Variants in GRM8 observed in about 807,000 individuals in gnomAD.
GRM8 encodes glutamate metabotropic receptor 8.
GRM8 carries 47 observed loss-of-function variants against 87.2 expected under a neutral mutation model. That is an observed-to-expected ratio of 0.54 (90% confidence interval 0.43 to 0.69). The LOEUF (loss-of-function observed/expected upper bound fraction) is 0.69. Ranked by LOEUF, GRM8 falls within the 30% of genes least tolerant of loss-of-function variation. The pLI is 0.00. For missense variants in GRM8, 1,019 were observed against 1,139.2 expected, an observed-to-expected ratio of 0.89 and a Z score of 1.52; for synonymous variants, 396 against 404.5, an observed-to-expected ratio of 0.98 and a Z score of 0.25.
intron 9 of GRM8, among the ~76,000 whole-genome samples, chr7:126,468,511 T>A (rs1804769055): frequency 1.3e-5 from 2 of 152,084 alleles, no homozygotes; most frequent in African/African-American, 4.8e-5. Context: ...CTTACCCACA[T>A]CAACAATTCT....
At chr7:127,087,757 T>C (rs2132860937) in intron 3 of GRM8, among the ~76,000 whole-genome samples, 1 of 152,264 alleles carries the variant, frequency 6.6e-6, no homozygotes, top group Middle Eastern at 3.4e-3. Context: ...TGTTTAAGAC[T>C]TTTTACCATA....
In GRM8 at chr7:126,896,530, T is replaced by C. The variant is rs1378650613; in HGVS notation, c.1156+6012A>G. ...ATGGTCTCTATGCGTCCTGAGTGAATACGGGAGAGCTTATACCTTTCATAA... is the reference window on the plus strand; with the variant it reads ...ATGGTCTCTATGCGTCCTGAGTGAACACGGGAGAGCTTATACCTTTCATAA... On this transcript the variant is annotated intron_variant, in intron 6 of 10. Coordinates refer to ENST00000339582, the MANE Select transcript of GRM8 (RefSeq NM_000845.3). Among the ~76,000 whole-genome samples the C allele has an allele frequency of 2.6e-5, 4 of 152,246 alleles. No individual in the cohort carries two copies. In the East Asian group the frequency reaches 7.7e-4, roughly 29 times the overall value.
At position 127,252,932 on chromosome 7, in the gene GRM8, G is replaced by A. The variant is rs1798952582; in HGVS notation, c.-447C>T. 2 of 176,562 alleles carry A rather than the reference G, an allele frequency of 1.1e-5. No homozygotes were observed. Among genetic ancestry groups the A allele is most frequent in the Non-Finnish European group, 1.2e-5 (1 of 86,292 alleles). 10.9% of individuals were successfully genotyped at this position (176,562 alleles called of 1,614,324 possible). A position where few individuals can be genotyped will look rare whatever the true frequency, so the allele number is the denominator to read the frequency against. On this transcript the variant is annotated 5_prime_UTR_variant, in exon 1 of 11. Transcript: ENST00000339582. This position sits in a 1 kb window ranked among gnomAD's most constrained non-coding sequence, Gnocchi z 4.9. ...CTTGTGGCTGATCTCTGGGCTGAGG[G>A]GGCTGAGCTGGCCTAGCAGGCGCCA... is the stretch of plus-strand genomic sequence containing the variant.
At chr7:127,061,425 A>G (rs753028470) in intron 3 of GRM8, among the ~76,000 whole-genome samples, 46 of 152,232 alleles carry the variant, frequency 3.0e-4, no homozygotes, top group Non-Finnish European at 5.7e-4. Context: ...CCAAAAAAAT[A>G]CATTAACATT....
At chr7:126,540,197 A>C (rs1295947472) in intron 8 of GRM8, among the ~76,000 whole-genome samples, 3 of 152,168 alleles carry the variant, frequency 2.0e-5, no homozygotes, top group Non-Finnish European at 2.9e-5. Flanking sequence ...ATAGTGCATG[A>C]AAATATACCT....
Position 126,583,971 on chromosome 7 carries a change from C to A in GRM8, c.1494+25391G>T, listed in dbSNP as rs529116044. On this transcript the variant is annotated intron_variant, in intron 8 of 10. Transcript: ENST00000339582. ...CAGATAAATCTTTCACGAAAGAGTC[C>A]ATTTATATGGCAAACTCAATGTTGT... is the stretch of plus-strand genomic sequence containing the variant. 5.9e-5 allele frequency among the ~76,000 whole-genome samples: 9 copies of A among 152,112 alleles called. No homozygotes were observed. The South Asian group carries it at 1.9e-3, about 32-fold the overall frequency.
intron 9 of GRM8, among the ~76,000 whole-genome samples, chr7:126,449,588 T>C (rs1449312688): frequency 6.6e-6 from 1 of 151,828 alleles, no homozygotes; most frequent in Non-Finnish European, 1.5e-5. Flanking sequence ...TATACGATGT[T>C]GAGGAAAAGG....
rs17865234 is a variant in GRM8 at position 127,140,568 on chromosome 7, T to C, written c.511-33856A>G. On this transcript the variant is annotated intron_variant, in intron 2 of 10. Coordinates refer to ENST00000339582, the MANE Select transcript of GRM8 (RefSeq NM_000845.3). ...CCCTTCTCATTCTGGTGCTGTTACC[T>C]GTACTTCAAATGCCCTTGGGTGGAG... 9.7e-4 allele frequency among the ~76,000 whole-genome samples: 148 copies of C among 152,298 alleles called. 1 individual carries two copies. The highest frequency in any genetic ancestry group is 3.4e-3 in the African/African-American group (143 of 41,540).
chr7:126,968,922 G>A (rs557300750), intron 3 of GRM8, among the ~76,000 whole-genome samples: 5 of 152,150 alleles, frequency 3.3e-5, no homozygotes, highest in African/African-American at 1.2e-4. Flanking sequence ...GATGTCACAG[G>A]TTCTATTTCA....
intron 3 of GRM8, among the ~76,000 whole-genome samples, chr7:126,998,144 C>G (rs1176556436): frequency 2.0e-5 from 3 of 151,844 alleles, no homozygotes; most frequent in Non-Finnish European, 4.4e-5. Context: ...ATCATATCAA[C>G]AGAATGAAGG....
rs910361050 is a variant in GRM8 at position 127,130,787 on chromosome 7, C to T, written c.511-24075G>A. ...TGATGGGATCATGGGGGCAGTTTCC[C>T]ACATGCTGTTTTTATGATAGTGAGA... is the stretch of plus-strand genomic sequence containing the variant. On this transcript the variant is annotated intron_variant, in intron 2 of 10. Coordinates refer to ENST00000339582, the MANE Select transcript of GRM8 (RefSeq NM_000845.3). Among the ~76,000 whole-genome samples, 6 of 152,058 alleles carry T rather than the reference C, an allele frequency of 3.9e-5. No homozygotes were observed. The South Asian group carries it at 1.2e-3, about 32-fold the overall frequency.
chr7:126,805,895 T>C (rs1792630755), intron 6 of GRM8, among the ~76,000 whole-genome samples: 1 of 152,212 alleles, frequency 6.6e-6, no homozygotes, highest in Non-Finnish European at 1.5e-5. Context: ...TTCGGTTCTC[T>C]CCAGACCAGT....
chr7:126,556,036 A>T (rs1793097967), intron 8 of GRM8, among the ~76,000 whole-genome samples: 1 of 152,188 alleles, frequency 6.6e-6, no homozygotes, highest in Non-Finnish European at 1.5e-5. Flanking sequence ...CAGCTTGAGC[A>T]CTTTCTTACC....
At chr7:126,765,748 T>C (rs1404137711) in intron 7 of GRM8, among the ~76,000 whole-genome samples, 1 of 152,102 alleles carries the variant, frequency 6.6e-6, no homozygotes, top group Non-Finnish European at 1.5e-5. Context: ...GCAATAAAAG[T>C]AACCCTAAAA....
At chr7:126,812,228 G>A (rs1210112899) in intron 6 of GRM8, among the ~76,000 whole-genome samples, 1 of 151,978 alleles carries the variant, frequency 6.6e-6, no homozygotes, top group African/African-American at 2.4e-5. Context: ...AAGCAATCAT[G>A]AGATGATTTA....
At chr7:126,622,759 C>T (rs991817462) in intron 7 of GRM8, among the ~76,000 whole-genome samples, 2 of 152,216 alleles carry the variant, frequency 1.3e-5, no homozygotes, top group South Asian at 2.1e-4. Context: ...TCTATCCCCA[C>T]AGACTCATTC....
intron 3 of GRM8, among the ~76,000 whole-genome samples, chr7:126,940,538 A>G (rs1023281959): frequency 1.3e-5 from 2 of 152,114 alleles, no homozygotes; most frequent in African/African-American, 4.8e-5. Flanking sequence ...TCCAACTCAC[A>G]CTGCTCAGCA....
rs1815266141 is a variant in GRM8, at chr7:126,533,923, T to C, written c.1495-36A>G. 19 of 1,486,004 alleles carry C rather than the reference T, an allele frequency of 1.3e-5. 1 individual carries two copies. Among genetic ancestry groups the C allele is most frequent in the East Asian group, 6.8e-5 (3 of 44,212 alleles). The allele number at this position is 1,486,004 out of a possible 1,614,324, so 92.1% of individuals were successfully genotyped here. On this transcript the variant is annotated intron_variant, in intron 8 of 10. Transcript: ENST00000339582. ...AAAAAATTAATGAGCCTTCCATTTT[T>C]CCCCCATTTATAATATCCTAATCCT... is the stretch of plus-strand genomic sequence containing the variant.
chr7:127,062,141 CAAAA>C (rs5887324), intron 3 of GRM8, among the ~76,000 whole-genome samples: 13 of 134,924 alleles, frequency 9.6e-5, no homozygotes, highest in Admixed American at 2.3e-4. Context: ...AAGACTCCAT[CAAAA>C]AAAAAAAAAA....
Sources: allele counts gnomAD v4.1 joint callset (sites outside exome capture counted in the v4.1 genomes callset), GRCh38; gene constraint gnomAD v4.1.1; non-coding constraint Gnocchi (gnomAD v3.1); transcripts MANE v1.5; gene names NCBI Gene and HGNC (gene_info 2026-07-23, HGNC 2026-07-21).